SLC4A8: variants seen among roughly 807,000 people sequenced by gnomAD.
The protein encoded by SLC4A8 is solute carrier family 4 member 8.
A neutral mutation model predicts 125.0 loss-of-function variants in SLC4A8; 40 were observed. That is an observed-to-expected ratio of 0.32 (90% CI 0.25 to 0.42). SLC4A8 has a LOEUF of 0.42. Ranked by LOEUF, SLC4A8 falls within the 10% of genes least tolerant of loss-of-function variation. The probability of loss-of-function intolerance (pLI) is 1.00; values close to 1 mark genes in which losing one functional copy is unlikely to be tolerated. For synonymous variants in SLC4A8, 456 were observed against 476.0 expected (o/e 0.96, Z 0.55); for missense variants, 863 against 1,355.1 (o/e 0.64, Z 5.70).
intron 1 of SLC4A8, 200 bp downstream of exon 1, chr12:51,425,235 C>G: frequency 7.3e-7 from 1 of 1,371,070 alleles, no homozygotes; most frequent in Non-Finnish European, 9.4e-7. Flanking sequence ...GACCTTGGGC[C>G]GAACCTGGGA....
At chr12:51,493,923 G>A (rs1281788376) in intron 20 of SLC4A8, 151 bp downstream of exon 20, 4 of 657,924 alleles carry the variant, frequency 6.1e-6, no homozygotes, top group Non-Finnish European at 1.1e-5. Flanking sequence ...CATGTATTTG[G>A]ATATAGGGAG....
intron 8 of SLC4A8, among the ~76,000 whole-genome samples, chr12:51,460,327 A>T (rs1950286022): frequency 6.6e-6 from 1 of 152,166 alleles, no homozygotes; most frequent in Non-Finnish European, 1.5e-5. Flanking sequence ...TTGAGCCTGC[A>T]GTGAGCTAGA....
chr12:51,414,374 A>G (rs1377615134), intron 1 of SLC4A8, among the ~76,000 whole-genome samples: 1 of 152,112 alleles, frequency 6.6e-6, no homozygotes, highest in Non-Finnish European at 1.5e-5. Flanking sequence ...CAAAGAGCGA[A>G]AGTTTGACAT....
At chr12:51,447,195 A>G (rs1176398638) in intron 2 of SLC4A8, among the ~76,000 whole-genome samples, 1 of 151,406 alleles carries the variant, frequency 6.6e-6, no homozygotes, top group Non-Finnish European at 1.5e-5. Context: ...CAATCCTACC[A>G]CTTCAGCCTT....
At chr12:51,506,400 GT>G (rs573229082) in intron 24 of SLC4A8, among the ~76,000 whole-genome samples, 2,324 of 148,244 alleles carry the variant, frequency 0.016, 72 homozygotes, top group African/African-American at 0.054. Context: ...ATTGTAACTG[GT>G]TTTTTTTTTC....
At position 51,471,485 on chromosome 12, in the gene SLC4A8, C is replaced by T; in HGVS notation, c.1857C>T (p.Thr619=). Residue 619 remains threonine, a synonymous_variant, in exon 14 of 25, where the codon ACC becomes ACT. Transcript: ENST00000453097. The part of the protein sequence containing the change: ...AIEKLIHLAE[T]YPIHMHSQLD... ...AAAAACTGATTCACCTGGCAGAGAC[C>T]TACCCCATCCACATGCACAGCCAGC... The T allele has an allele frequency of 6.2e-7, 1 of 1,614,196 alleles. No individual in the cohort carries two copies. Among genetic ancestry groups the T allele is most frequent in the South Asian group, 1.1e-5 (1 of 91,084 alleles).
intron 20 of SLC4A8, chr12:51,494,573 A>T (rs1002909756): frequency 6.3e-6 from 1 of 159,032 alleles, no homozygotes; most frequent in Non-Finnish European, 1.4e-5. Context: ...TTTCACTATA[A>T]ATAATCAATG....
chr12:51,431,782 G>T (rs979845948), intron 1 of SLC4A8, among the ~76,000 whole-genome samples: 5 of 152,174 alleles, frequency 3.3e-5, no homozygotes, highest in Non-Finnish European at 5.9e-5. Context: ...ACTATTGGAG[G>T]TCTGGTCAGT....
At chr12:51,404,411 C>T (rs1220186390) in intron 1 of SLC4A8, among the ~76,000 whole-genome samples, 2 of 152,150 alleles carry the variant, frequency 1.3e-5, no homozygotes, top group East Asian at 1.9e-4. Context: ...TCCTCACTCC[C>T]TAGCGCCAGC....
intron 17 of SLC4A8, among the ~76,000 whole-genome samples, chr12:51,487,883 G>A (rs1340368144): frequency 6.6e-6 from 1 of 152,220 alleles, no homozygotes; most frequent in Non-Finnish European, 1.5e-5. Flanking sequence ...CTTTATTTAT[G>A]CTGTAGACAC....
chr12:51,406,035 G>T (rs1948480235), intron 1 of SLC4A8, among the ~76,000 whole-genome samples: 1 of 152,216 alleles, frequency 6.6e-6, no homozygotes, highest in African/African-American at 2.4e-5. Flanking sequence ...AAACACACCA[G>T]AGAGGTGATG....
intron 16 of SLC4A8, among the ~76,000 whole-genome samples, chr12:51,483,381 A>G (rs1951078631): frequency 6.6e-6 from 1 of 151,382 alleles, no homozygotes; most frequent in African/African-American, 2.4e-5. Context: ...GAAAAAGAAA[A>G]GAAAGGGAGC....
At chr12:51,501,240 G>A (rs781083739) in intron 22 of SLC4A8, among the ~76,000 whole-genome samples, 2 of 152,192 alleles carry the variant, frequency 1.3e-5, no homozygotes, top group Non-Finnish European at 2.9e-5. Context: ...TGAGCTTTGG[G>A]CTTCTAATGA....
In SLC4A8 at chr12:51,488,645, T is replaced by C. The variant is rs1478388003; in HGVS notation, c.2287-54T>C. The C allele has an allele frequency of 1.3e-5, 19 of 1,427,280 alleles. No individual in the cohort carries two copies. The Admixed American group carries it at 3.2e-4, about 24-fold the overall frequency. 88.4% of individuals were successfully genotyped at this position (1,427,280 alleles called of 1,614,324 possible). On this transcript the variant is annotated intron_variant, in intron 17 of 24. Coordinates refer to ENST00000453097, the MANE Select transcript of SLC4A8 (RefSeq NM_001039960.3). ...GATATTGTGATCCAGTTTGATATGTTTTACCCCAATGACTATAACTTAAAA... is the reference window on the plus strand; with the variant it reads ...GATATTGTGATCCAGTTTGATATGTCTTACCCCAATGACTATAACTTAAAA...
intron 11 of SLC4A8, 67 bp from the exon 12 acceptor site, chr12:51,469,547 G>A (rs973597998): frequency 1.4e-6 from 2 of 1,403,142 alleles, no homozygotes; most frequent in Non-Finnish European, 2.0e-6. Context: ...GCTTTCAAAT[G>A]TGTGCTGTTT....
intron 16 of SLC4A8, 149 bp downstream of exon 16, chr12:51,475,355 T>C: frequency 4.0e-6 from 3 of 741,242 alleles, no homozygotes; most frequent in Non-Finnish European, 6.8e-6. Context: ...TCCTAGTGTC[T>C]GGCAGCCTCT....
chr12:51,481,231 C>T (rs1048838555), intron 16 of SLC4A8, among the ~76,000 whole-genome samples: 1 of 152,106 alleles, frequency 6.6e-6, no homozygotes, highest in Non-Finnish European at 1.5e-5. Context: ...TGTCCCCACC[C>T]CGTTTCTATT....
At chr12:51,410,788 T>TA (rs1948577504) in intron 1 of SLC4A8, among the ~76,000 whole-genome samples, 2 of 152,058 alleles carry the variant, frequency 1.3e-5, no homozygotes, top group African/African-American at 2.4e-5. Flanking sequence ...GGGGATTTCT[T>TA]AAAAAACTTT....
At chr12:51,430,806 A>C (rs1805905695) in intron 1 of SLC4A8, among the ~76,000 whole-genome samples, 1 of 152,228 alleles carries the variant, frequency 6.6e-6, no homozygotes, top group African/African-American at 2.4e-5. Flanking sequence ...AACAGATCTT[A>C]GATAATGGAG....
Sources: allele counts gnomAD v4.1 joint callset (sites outside exome capture counted in the v4.1 genomes callset), GRCh38; gene constraint gnomAD v4.1.1; transcripts MANE v1.5; gene names NCBI Gene and HGNC (gene_info 2026-07-23, HGNC 2026-07-21).